TBL1XR1: variants seen among roughly 807,000 people sequenced by gnomAD.
The protein encoded by TBL1XR1 is F-box-like/WD repeat-containing protein TBL1XR1.
Under a neutral mutation model 66.9 loss-of-function variants are expected in TBL1XR1, and 5 were observed. That is an observed-to-expected ratio of 0.07 (90% CI 0.04 to 0.16). TBL1XR1 has a LOEUF of 0.16. Among genes scored for constraint, TBL1XR1 ranks in the 10% least tolerant of loss-of-function variants. The pLI, the probability that TBL1XR1 is intolerant of heterozygous loss-of-function variation, is 1.00. For synonymous variants in TBL1XR1, 210 were observed against 206.0 expected (o/e 1.02, Z -0.17); for missense variants, 238 against 623.2 (o/e 0.38, Z 6.58).
intron 1 of TBL1XR1, among the ~76,000 whole-genome samples, chr3:177,114,479 T>C (rs1023283026): frequency 4.0e-5 from 6 of 151,884 alleles, no homozygotes; most frequent in African/African-American, 1.5e-4. Context: ...TTTTTAACTT[T>C]TTGTAGAGAC....
chr3:177,104,863 AAAACTCTCAAGTATTTCTAAATT>A (rs1473195364), intron 1 of TBL1XR1, among the ~76,000 whole-genome samples: 2 of 152,230 alleles, frequency 1.3e-5, no homozygotes, highest in Non-Finnish European at 2.9e-5. Flanking sequence ...AATAAAACAA[AAAACTCTCAAGTATTTCTAAATT>A]TTTCTGTCAC....
intron 14 of TBL1XR1, chr3:177,026,963 C>A (rs1311703560): frequency 6.6e-6 from 1 of 152,508 alleles, no homozygotes; most frequent in Non-Finnish European, 1.5e-5. Context: ...AGTTCCTAAG[C>A]TAGGGGATTA....
chr3:177,130,625 G>C (rs1460410525), intron 1 of TBL1XR1, among the ~76,000 whole-genome samples: 1 of 152,054 alleles, frequency 6.6e-6, no homozygotes, highest in Non-Finnish European at 1.5e-5. Context: ...GATGTGGAAA[G>C]GTTTTTTGCT....
chr3:177,151,320 G>A (rs1475985261), intron 1 of TBL1XR1, among the ~76,000 whole-genome samples: 2 of 152,186 alleles, frequency 1.3e-5, no homozygotes, highest in Non-Finnish European at 2.9e-5. Context: ...AGTTGCATTT[G>A]ATTTTCTTAG....
chr3:177,197,151 C>A lies in TBL1XR1; in HGVS notation c.-152G>T. ...AACGGTGGCCTCCAACGCCGCTCCC[C>A]CCTCCCGGGAATGGAGGCACAAGGA... On this transcript the variant is annotated 5_prime_UTR_variant, in exon 1 of 16. Transcript: ENST00000457928. The A allele has an allele frequency of 6.5e-6, 1 of 153,388 alleles. No homozygotes were observed. The highest frequency in any genetic ancestry group is 1.8e-4 in the South Asian group (1 of 5,448). 9.5% of individuals were successfully genotyped at this position (153,388 alleles called of 1,614,324 possible).
At position 177,035,022 on chromosome 3, in the gene TBL1XR1, C is replaced by A. The variant is rs1330131560; in HGVS notation, c.1123-697G>T. Among the ~76,000 whole-genome samples, 7 of 152,094 alleles carry A rather than the reference C, an allele frequency of 4.6e-5. No homozygotes were observed. The East Asian group carries it at 1.3e-3, about 29-fold the overall frequency. On this transcript the variant is annotated intron_variant, in intron 12 of 15. Transcript: ENST00000457928. Reference sequence around the variant, plus strand: ...CACATACACATACAACATGCCAAACCCAAGGAGGGCCAACCAAGAAAAAAA... The same window carrying A: ...CACATACACATACAACATGCCAAACACAAGGAGGGCCAACCAAGAAAAAAA...
At chr3:177,068,779 T>C (rs1303943081) in intron 2 of TBL1XR1, among the ~76,000 whole-genome samples, 1 of 152,080 alleles carries the variant, frequency 6.6e-6, no homozygotes. Flanking sequence ...TAAATCTAGA[T>C]GACTGAAAAA....
chr3:177,173,954 TTAATG>T (rs1383923143), intron 1 of TBL1XR1, among the ~76,000 whole-genome samples: 2 of 152,224 alleles, frequency 1.3e-5, no homozygotes, highest in African/African-American at 4.8e-5. Flanking sequence ...GACTTTTATA[TTAATG>T]TAAAATCTTT....
chr3:177,175,132 C>A (rs1176288851), intron 1 of TBL1XR1, among the ~76,000 whole-genome samples: 1 of 152,148 alleles, frequency 6.6e-6, no homozygotes, highest in Non-Finnish European at 1.5e-5. Flanking sequence ...TTAATATAAG[C>A]AGCTCCTGAA....
intron 4 of TBL1XR1, among the ~76,000 whole-genome samples, chr3:177,053,033 C>T (rs1413486573): frequency 6.6e-6 from 1 of 152,126 alleles, no homozygotes; most frequent in East Asian, 1.9e-4. Context: ...ACCCAGGAGG[C>T]GGAGGTTGCA....
intron 1 of TBL1XR1, among the ~76,000 whole-genome samples, chr3:177,190,898 G>T (rs930512333): frequency 1.3e-5 from 2 of 152,104 alleles, no homozygotes; most frequent in African/African-American, 4.8e-5. Flanking sequence ...CATCGTAGTT[G>T]GGGCAACAAA....
At chr3:177,155,521 A>C (rs1439766582) in intron 1 of TBL1XR1, among the ~76,000 whole-genome samples, 2 of 152,218 alleles carry the variant, frequency 1.3e-5, no homozygotes, top group African/African-American at 4.8e-5. Context: ...AAGGTGTATG[A>C]ATTTAAAAGA....
At chr3:177,132,369 A>T (rs531804929) in intron 1 of TBL1XR1, among the ~76,000 whole-genome samples, 1 of 152,322 alleles carries the variant, frequency 6.6e-6, no homozygotes, top group Admixed American at 6.5e-5. Context: ...TAGCTCCTTC[A>T]GGTCCACTGA....
chr3:177,120,970 C>T (rs1726915837), intron 1 of TBL1XR1, among the ~76,000 whole-genome samples: 1 of 152,150 alleles, frequency 6.6e-6, no homozygotes, highest in Non-Finnish European at 1.5e-5. Flanking sequence ...TATACAGCTA[C>T]ACAAAAGAGC....
At chr3:177,157,441 G>A (rs924966446) in intron 1 of TBL1XR1, among the ~76,000 whole-genome samples, 2 of 152,120 alleles carry the variant, frequency 1.3e-5, no homozygotes, top group South Asian at 2.1e-4. Context: ...TTGCTGGCAT[G>A]ATTTAGTATA....
chr3:177,133,323 G>A (rs545772833), intron 1 of TBL1XR1, among the ~76,000 whole-genome samples: 45 of 152,000 alleles, frequency 3.0e-4, no homozygotes, highest in Non-Finnish European at 4.9e-4. Context: ...ATAAATAAAC[G>A]AATCCACAAT....
intron 3 of TBL1XR1, among the ~76,000 whole-genome samples, chr3:177,061,158 C>T (rs1234930240): frequency 6.6e-6 from 1 of 152,088 alleles, no homozygotes; most frequent in Non-Finnish European, 1.5e-5. Context: ...TGAGGGATGG[C>T]TTATTTAAAA....
At chr3:177,081,177 T>C (rs542560932) in intron 2 of TBL1XR1, among the ~76,000 whole-genome samples, 5 of 152,346 alleles carry the variant, frequency 3.3e-5, no homozygotes, top group East Asian at 3.9e-4. Context: ...TAATACGACA[T>C]TCAGAATCAT....
At chr3:177,049,321 G>A (rs189529026) in intron 7 of TBL1XR1, among the ~76,000 whole-genome samples, 185 of 152,280 alleles carry the variant, frequency 1.2e-3, no homozygotes, top group Non-Finnish European at 2.1e-3. Context: ...AGTTTTGGGG[G>A]AGGGGCAGGG....
Sources: gnomAD v4.1 joint callset for allele counts (sites outside exome capture counted in the v4.1 genomes callset) on GRCh38, gnomAD v4.1.1 for gene constraint, MANE v1.5 for transcripts, NCBI Gene and HGNC (gene_info 2026-07-23, HGNC 2026-07-21) for gene names.